The following CYLD variants were observed in gnomAD, a reference collection of about 807,000 sequenced individuals.
CYLD encodes ubiquitin carboxyl-terminal hydrolase CYLD.
Under a neutral mutation model 104.5 loss-of-function variants are expected in CYLD, and 26 were observed. The ratio of observed to expected loss-of-function variants is 0.25; its 90% confidence interval spans 0.18 to 0.35. CYLD has a LOEUF of 0.35. Among genes scored for constraint, CYLD ranks in the 10% least tolerant of loss-of-function variants. The pLI is 1.00. For missense variants in CYLD, 703 were observed against 1,136.1 expected (o/e 0.62, Z 5.48); for synonymous variants, 385 against 399.9 (o/e 0.96, Z 0.45).
Position 50,794,419 on chromosome 16 carries a change from G to C in CYLD, c.2677G>C (p.Asp893His). The change falls in exon 18 of 19, where the codon GAT becomes CAT. Residue 893 changes from aspartate (D) to histidine (H), a missense_variant. This residue lies in a region of CYLD where 130 missense variants were observed against 220.2 expected (regional missense o/e 0.59). Transcript: ENST00000427738. The surrounding 1 kb of genome is among the most constrained non-coding windows in gnomAD (Gnocchi z 4.1). ...CTGGCTCTTCTTTGACAGCATGGCCGATCGGGATGGTACTGAAAACGCCTT... is the reference window on the plus strand; with the variant it reads ...CTGGCTCTTCTTTGACAGCATGGCCCATCGGGATGGTACTGAAAACGCCTT... Reference protein sequence around the residue: ...SAWLFFDSMADRDGGQNGFNI... With the variant: ...SAWLFFDSMAHRDGGQNGFNI... 2 of 1,614,146 alleles carry C rather than the reference G, an allele frequency of 1.2e-6. No homozygotes were observed. Among genetic ancestry groups the C allele is most frequent in the African/African-American group, 1.3e-5 (1 of 75,040 alleles).
chr16:50,796,417 A>T lies in CYLD; in HGVS notation c.2780A>T (p.Asp927Val). 3.1e-6 allele frequency: 5 copies of T among 1,613,990 alleles called. No individual in the cohort carries two copies. The highest frequency in any genetic ancestry group is 4.2e-6 in the Non-Finnish European group (5 of 1,179,988). ...TCTCTGGAAGACCTGCATTCCTTGG[A>T]CTCCAGGAGAATCCAAGGCTGTGCA... is the stretch of plus-strand genomic sequence containing the variant. ...KMSLEDLHSL[D>V]SRRIQGCARR... Residue 927 changes from aspartate to valine, a missense_variant, in exon 19 of 19, where the codon GAC (aspartate) becomes GTC (valine). Physicochemically the swap from Asp to Val is radical, Grantham distance 152. This residue lies in a region of CYLD where 130 missense variants were observed against 220.2 expected (regional missense o/e 0.59). Coordinates refer to ENST00000427738, the MANE Select transcript of CYLD (RefSeq NM_001378743.1).
At chr16:50,779,091 T>C (rs1044574948) in intron 8 of CYLD, among the ~76,000 whole-genome samples, 2 of 152,194 alleles carry the variant, frequency 1.3e-5, no homozygotes, top group Non-Finnish European at 2.9e-5. Context: ...GTTTCTGTTC[T>C]TTAGTTTATT....
chr16:50,778,757 C>A (rs1969928741), intron 8 of CYLD, among the ~76,000 whole-genome samples: 1 of 152,180 alleles, frequency 6.6e-6, no homozygotes, highest in Non-Finnish European at 1.5e-5. Context: ...ACTCTGTGGT[C>A]TCCCAGCCTT....
chr16:50,779,355 G>A (rs537447263), intron 8 of CYLD, among the ~76,000 whole-genome samples: 4 of 151,870 alleles, frequency 2.6e-5, no homozygotes, highest in Non-Finnish European at 5.9e-5. Flanking sequence ...AAGGTTTTCG[G>A]TATCTTTTTG....
At chr16:50,762,727 A>C (rs960953277) in intron 5 of CYLD, among the ~76,000 whole-genome samples, 7 of 152,210 alleles carry the variant, frequency 4.6e-5, no homozygotes, top group Non-Finnish European at 7.3e-5. Context: ...AACCTTGTGT[A>C]TCCTTTCATT....
chr16:50,751,557 G>T (rs747564453), intron 3 of CYLD, 47 bp from the exon 4 acceptor site: 29 of 1,579,004 alleles, frequency 1.8e-5, no homozygotes, highest in Non-Finnish European at 2.5e-5. Context: ...TTTTCCTATG[G>T]ATCGTCTTTC....
In CYLD at chr16:50,794,251, C is replaced by T; in HGVS notation, c.2509C>T (p.Pro837Ser). The change falls in exon 18 of 19, where the codon CCA (proline) becomes TCA (serine). Residue 837 changes from proline (P) to serine (S), a missense_variant. Pro to Ser is a moderately conservative substitution (Grantham distance 74). Coordinates refer to ENST00000427738, the MANE Select transcript of CYLD (RefSeq NM_001378743.1). This position sits in a 1 kb window ranked among gnomAD's most constrained non-coding sequence, Gnocchi z 4.1. ...GAAGAGGCTGAATCATAAATATAAC[C>T]CAGTGTCACTTCCCAAAGACTTACC... ...HPKRLNHKYNPVSLPKDLPDW... is the reference protein window; with the variant it reads ...HPKRLNHKYNSVSLPKDLPDW... 6.2e-7 allele frequency: 1 copy of T among 1,614,164 alleles called. No homozygotes were observed. Among genetic ancestry groups the T allele is most frequent in the South Asian group, 1.1e-5 (1 of 91,088 alleles).
At position 50,784,320 on chromosome 16, in the gene CYLD, C is replaced by G. The variant is rs2151006525; in HGVS notation, c.1827-9C>G. The G allele has an allele frequency of 6.2e-7, 1 of 1,612,846 alleles. No homozygotes were observed. The highest frequency in any genetic ancestry group is 8.5e-7 in the Non-Finnish European group (1 of 1,179,328). On this transcript the variant is annotated splice_polypyrimidine_tract_variant and intron_variant, in intron 11 of 18. Transcript: ENST00000427738. ...CAGCATGAAGAAAATTATCCTTTTT[C>G]TTTTGCAGCTTATTTGCTTTTAGTT...
Position 50,772,589 on chromosome 16 carries a change from AG to A in CYLD, c.914-2576del, listed in dbSNP as rs148033234. Among the ~76,000 whole-genome samples, 79 of 152,362 alleles carry A rather than the reference AG, an allele frequency of 5.2e-4. 1 individual carries two copies. The East Asian group carries it at 0.015, about 29-fold the overall frequency. ...ATGCATGTACCATAATTTTTGAACC[AG>A]CCTCCTACTGATGAGCATTTAGGTT... On this transcript the variant is annotated intron_variant, in intron 5 of 18. Transcript: ENST00000427738.
Position 50,800,959 on chromosome 16 carries a change from A to G in CYLD, c.*4451A>G, listed in dbSNP as rs1476231818. ...GAGGAAGAAGGAATGTAAACCCCTT[A>G]AAGCAGATGTGTGTGGGGCCTTATG... On this transcript the variant is annotated 3_prime_UTR_variant, in exon 19 of 19. Coordinates refer to ENST00000427738, the MANE Select transcript of CYLD (RefSeq NM_001378743.1). 3 of 233,378 alleles carry G rather than the reference A, an allele frequency of 1.3e-5. No individual in the cohort carries two copies. The East Asian group carries it at 1.8e-4, about 14-fold the overall frequency. 14.5% of individuals were successfully genotyped at this position (233,378 alleles called of 1,614,324 possible).
chr16:50,766,653 G>A (rs117444738), intron 5 of CYLD, among the ~76,000 whole-genome samples: 1 of 152,160 alleles, frequency 6.6e-6, no homozygotes, highest in Admixed American at 6.5e-5. Flanking sequence ...ATGATTTATG[G>A]GAGGAGGTCA....
At chr16:50,752,021 T>C in intron 4 of CYLD, 115 bp downstream of exon 4, 2 of 287,596 alleles carry the variant, frequency 7.0e-6, no homozygotes, top group Non-Finnish European at 1.1e-5. Context: ...TATATATGTA[T>C]AGTTTATATA....
At chr16:50,775,800 A>C (rs188128770) in intron 6 of CYLD, among the ~76,000 whole-genome samples, 1 of 152,200 alleles carries the variant, frequency 6.6e-6, no homozygotes, top group Admixed American at 6.5e-5. Context: ...GAAACACTTC[A>C]TAATACACAG....
intron 15 of CYLD, 52 bp downstream of exon 15, chr16:50,791,742 A>G (rs1486144774): frequency 6.3e-7 from 1 of 1,591,644 alleles, no homozygotes; most frequent in Admixed American, 1.7e-5. Flanking sequence ...GGGAGTCTTA[A>G]GACTATTGGT....
At chr16:50,753,198 C>T (rs966736970) in intron 4 of CYLD, among the ~76,000 whole-genome samples, 1 of 152,180 alleles carries the variant, frequency 6.6e-6, no homozygotes, top group African/African-American at 2.4e-5. Context: ...AAAGTTAGAA[C>T]CAGAGTAAAA....
At chr16:50,777,976 C>T in intron 8 of CYLD, 35 bp downstream of exon 8, 3 of 1,190,902 alleles carry the variant, frequency 2.5e-6, no homozygotes, top group Non-Finnish European at 1.3e-6. Context: ...TATAATGATC[C>T]TTTCTTTCTA....
Position 50,792,499 on chromosome 16 carries a change from C to A in CYLD, c.2242-98C>A, listed in dbSNP as rs1240855175. The A allele has an allele frequency of 1.6e-5, 13 of 790,862 alleles. No individual in the cohort carries two copies. The Admixed American group carries it at 2.8e-4, about 17-fold the overall frequency. The allele number at this position is 790,862 out of a possible 1,614,324, so 49.0% of individuals were successfully genotyped here. ...GTTTCATAGGACACCAATATTAAGG[C>A]AGAACTGTTTTGTTTGACAGCCATG... On this transcript the variant is annotated intron_variant, in intron 15 of 18. Coordinates refer to ENST00000427738, the MANE Select transcript of CYLD (RefSeq NM_001378743.1).
Position 50,786,901 on chromosome 16 carries a change from C to T in CYLD, c.1996C>T (p.Leu666Phe), listed in dbSNP as rs777264946. Reference sequence around the variant, plus strand: ...AAAAATTATGAAACTGAGGAAAATACTTGAAAAGGTGGAGGCTGCATCAGG... The same window carrying T: ...AAAAATTATGAAACTGAGGAAAATATTTGAAAAGGTGGAGGCTGCATCAGG... ...ATKIMKLRKILEKVEAASGFT... is the reference protein window; with the variant it reads ...ATKIMKLRKIFEKVEAASGFT... Residue 666 changes from leucine (L) to phenylalanine (F), a missense_variant, in exon 13 of 19, where the codon CTT becomes TTT. Leu to Phe is a conservative substitution (Grantham distance 22). Transcript: ENST00000427738. 1 of 1,613,924 alleles carries T rather than the reference C, an allele frequency of 6.2e-7. No homozygotes were observed. Among genetic ancestry groups the T allele is most frequent in the Admixed American group, 1.7e-5 (1 of 60,004 alleles).
Position 50,760,750 on chromosome 16 carries a change from G to A in CYLD, c.913+6326G>A, listed in dbSNP as rs764089512. On this transcript the variant is annotated intron_variant, in intron 5 of 18. Coordinates refer to ENST00000427738, the MANE Select transcript of CYLD (RefSeq NM_001378743.1). ...TTTTGATATTGCACACAATGTTACC[G>A]TAACCTGTACATGTCTGTTTCCCAC... Among the ~76,000 whole-genome samples, 3 of 152,016 alleles carry A rather than the reference G, an allele frequency of 2.0e-5. No homozygotes were observed. In the East Asian group the frequency reaches 5.8e-4, roughly 29 times the overall value.
Sources: gnomAD v4.1 joint callset for allele counts (sites outside exome capture counted in the v4.1 genomes callset) on GRCh38, gnomAD v4.1.1 for gene constraint, gnomAD v4.1.1 regional missense constraint, Gnocchi (gnomAD v3.1) non-coding constraint, MANE v1.5 for transcripts, NCBI Gene and HGNC (gene_info 2026-07-23, HGNC 2026-07-21) for gene names.